Variants in DPP10 observed in about 807,000 individuals in gnomAD.
DPP10 encodes inactive dipeptidyl peptidase 10.
Under a neutral mutation model 120.9 loss-of-function variants are expected in DPP10, and 33 were observed. That is an observed-to-expected ratio of 0.27 (90% CI 0.21 to 0.37). The LOEUF (loss-of-function observed/expected upper bound fraction) is 0.37. Among genes scored for constraint, DPP10 ranks in the 10% least tolerant of loss-of-function variants. The pLI is 1.00. For synonymous variants in DPP10, 337 were observed against 326.1 expected (o/e 1.03, Z -0.36); for missense variants, 816 against 942.8 (o/e 0.87, Z 1.76).
At chr2:115,218,471 G>A (rs1000964176) in intron 1 of DPP10, among the ~76,000 whole-genome samples, 1 of 151,982 alleles carries the variant, frequency 6.6e-6, no homozygotes, top group African/African-American at 2.4e-5. Context: ...TAAAATTTAT[G>A]CCTTAGGAAA....
intron 2 of DPP10, among the ~76,000 whole-genome samples, chr2:115,317,071 G>C (rs774635399): frequency 4.6e-5 from 7 of 152,084 alleles, no homozygotes; most frequent in Non-Finnish European, 1.0e-4. Flanking sequence ...TCCAAGCTGG[G>C]CAAGAGAGCA....
intron 1 of DPP10, among the ~76,000 whole-genome samples, chr2:115,074,616 T>G (rs1707638623): frequency 6.6e-6 from 1 of 152,176 alleles, no homozygotes; most frequent in African/African-American, 2.4e-5. Flanking sequence ...CTAGGACATG[T>G]AAAATAACTA....
chr2:115,100,546 A>G (rs1303806178), intron 1 of DPP10, among the ~76,000 whole-genome samples: 1 of 151,988 alleles, frequency 6.6e-6, no homozygotes, highest in Non-Finnish European at 1.5e-5. Flanking sequence ...GTATATACGT[A>G]TGTGTGTATG....
intron 5 of DPP10, among the ~76,000 whole-genome samples, chr2:115,648,992 G>A (rs1022327058): frequency 3.9e-5 from 6 of 152,012 alleles, no homozygotes; most frequent in Non-Finnish European, 7.4e-5. Flanking sequence ...GGTGAGTACT[G>A]GAAACAAACT....
intron 3 of DPP10, among the ~76,000 whole-genome samples, chr2:115,450,319 T>C (rs1166978487): frequency 6.6e-6 from 1 of 151,964 alleles, no homozygotes; most frequent in Non-Finnish European, 1.5e-5. Context: ...AAATTCACAG[T>C]ACATTGAAAT....
At chr2:115,832,377 C>A (rs773828830) in intron 21 of DPP10, among the ~76,000 whole-genome samples, 1 of 152,162 alleles carries the variant, frequency 6.6e-6, no homozygotes, top group Non-Finnish European at 1.5e-5. Flanking sequence ...GTGGTCCCAG[C>A]TACTCAGGAG....
In DPP10 at chr2:114,623,276, A is replaced by C. The variant is rs185126452; in HGVS notation, c.60+180438A>C. Among the ~76,000 whole-genome samples the C allele has an allele frequency of 4.6e-5, 7 of 152,088 alleles. No homozygotes were observed. The East Asian group carries it at 1.4e-3, about 29-fold the overall frequency. On this transcript the variant is annotated intron_variant, in intron 1 of 25. Transcript: ENST00000410059. ...AAGAAAGATAAATATAATTGTAGAG[A>C]CTCTATCACAAATAGAAAATCTCCT...
chr2:115,687,485 G>GGATAGATAGATAGATAGATA (rs3043901), intron 5 of DPP10, among the ~76,000 whole-genome samples: 7 of 146,900 alleles, frequency 4.8e-5, no homozygotes, highest in Admixed American at 6.8e-5. Context: ...ATGGATGGAT[G>GGATAGATAGATAGATAGATA]GATAGATAGA....
chr2:114,665,521 G>C (rs1338231791), intron 1 of DPP10, among the ~76,000 whole-genome samples: 1 of 151,704 alleles, frequency 6.6e-6, no homozygotes, highest in Non-Finnish European at 1.5e-5. Context: ...AGGGACCCAT[G>C]GCTTCTTCAC....
chr2:114,521,077 A>G (rs1363792702), intron 1 of DPP10, among the ~76,000 whole-genome samples: 1 of 152,232 alleles, frequency 6.6e-6, no homozygotes, highest in Non-Finnish European at 1.5e-5. Flanking sequence ...GGACATGGGA[A>G]ACAAAATGGC....
At chr2:115,245,742 A>G (rs2058504536) in intron 1 of DPP10, among the ~76,000 whole-genome samples, 1 of 152,152 alleles carries the variant, frequency 6.6e-6, no homozygotes, top group South Asian at 2.1e-4. Context: ...CTGTGATACA[A>G]TGGGAATATG....
intron 1 of DPP10, among the ~76,000 whole-genome samples, chr2:115,006,038 C>G (rs1034619622): frequency 3.3e-5 from 5 of 152,064 alleles, no homozygotes; most frequent in Non-Finnish European, 7.4e-5. Context: ...ACCCTACAAG[C>G]CAGAAGAGAG....
chr2:115,671,147 A>G (rs1427669661), intron 5 of DPP10, among the ~76,000 whole-genome samples: 1 of 152,026 alleles, frequency 6.6e-6, no homozygotes, highest in African/African-American at 2.4e-5. Flanking sequence ...ATAATTTTCA[A>G]AGTATTTGAA....
At chr2:115,195,708 G>C (rs180779575) in intron 1 of DPP10, among the ~76,000 whole-genome samples, 1 of 152,054 alleles carries the variant, frequency 6.6e-6, no homozygotes, top group Non-Finnish European at 1.5e-5. Context: ...AGGTTGTTCC[G>C]TGCCTTGACA....
At chr2:115,166,631 C>G (rs1023440474) in intron 1 of DPP10, among the ~76,000 whole-genome samples, 2 of 131,344 alleles carry the variant, frequency 1.5e-5, no homozygotes, top group African/African-American at 5.9e-5. Flanking sequence ...ATATCTCTTG[C>G]TTAGAATCTT....
At chr2:114,644,220 G>A (rs1695940278) in intron 1 of DPP10, among the ~76,000 whole-genome samples, 1 of 151,130 alleles carries the variant, frequency 6.6e-6, no homozygotes, top group Non-Finnish European at 1.5e-5. Context: ...GGGATTACAG[G>A]TGTGAGCCAG....
At chr2:114,626,362 A>G (rs955568958) in intron 1 of DPP10, among the ~76,000 whole-genome samples, 1 of 152,070 alleles carries the variant, frequency 6.6e-6, no homozygotes, top group East Asian at 1.9e-4. Context: ...CCAACTGGAT[A>G]TTTAATGAAG....
Position 115,478,327 on chromosome 2 carries a change from A to G in DPP10, c.272-21183A>G, listed in dbSNP as rs552139517. Among the ~76,000 whole-genome samples, 193 of 152,314 alleles carry G rather than the reference A, an allele frequency of 1.3e-3. 2 individuals are homozygous for G. The highest frequency in any genetic ancestry group is 4.6e-3 in the African/African-American group (190 of 41,582). On this transcript the variant is annotated intron_variant, in intron 3 of 25. Coordinates refer to ENST00000410059, the MANE Select transcript of DPP10 (RefSeq NM_020868.6). ...GAGGAAAAGACAGTACTTTCAACAAATGTCATTGGGAAAATTGTTTATCTA... is the reference window on the plus strand; with the variant it reads ...GAGGAAAAGACAGTACTTTCAACAAGTGTCATTGGGAAAATTGTTTATCTA...
intron 4 of DPP10, among the ~76,000 whole-genome samples, chr2:115,501,234 G>T (rs1214096401): frequency 6.6e-6 from 1 of 151,904 alleles, no homozygotes; most frequent in East Asian, 1.9e-4. Context: ...AAGTCAGTGA[G>T]GTTTTCCCCC....
Sources: allele counts gnomAD v4.1 joint callset (sites outside exome capture counted in the v4.1 genomes callset), GRCh38; gene constraint gnomAD v4.1.1; transcripts MANE v1.5; gene names NCBI Gene and HGNC (gene_info 2026-07-23, HGNC 2026-07-21).